The following FAM228B variants were observed in gnomAD, a reference collection of about 807,000 sequenced individuals.
The protein encoded by FAM228B is family with sequence similarity 228 member B, also known as protein FAM228B.
A neutral mutation model predicts 42.6 loss-of-function variants in FAM228B; 38 were observed. That is an observed-to-expected ratio of 0.89 (90% CI 0.69 to 1.17). FAM228B has a LOEUF of 1.17. Among genes scored for constraint, FAM228B ranks in the 50% most tolerant of loss-of-function variants. FAM228B has a pLI of 0.00. For missense variants in FAM228B, 344 were observed against 367.3 expected (o/e 0.94, Z 0.52); for synonymous variants, 109 against 122.3 (o/e 0.89, Z 0.72).
At chr2:24,154,353 G>T (rs990079494) in intron 7 of FAM228B, among the ~76,000 whole-genome samples, 1 of 152,148 alleles carries the variant, frequency 6.6e-6, no homozygotes, top group Non-Finnish European at 1.5e-5. Context: ...TTTGCCATCT[G>T]TCTGTCTTCT....
chr2:24,088,097 T>C (rs71439112), intron 2 of FAM228B, among the ~76,000 whole-genome samples: 18,108 of 152,040 alleles, frequency 0.12, 1,244 homozygotes, highest in South Asian at 0.18. Context: ...AGGCTGGTCT[T>C]GAACTCCTTA....
chr2:24,120,743 C>T (rs967627562), upstream of FAM228B, among the ~76,000 whole-genome samples: 8 of 152,046 alleles, frequency 5.3e-5, no homozygotes, highest in African/African-American at 1.9e-4. Context: ...TTAGTAGAAA[C>T]AGGGTTTCAC....
chr2:24,124,141 G>A (rs939757449), intron 1 of FAM228B, 189 bp from the exon 2 acceptor site: 1 of 412,318 alleles, frequency 2.4e-6, no homozygotes, highest in Non-Finnish European at 4.3e-6. Context: ...AGAGCATCTC[G>A]CCTGCTTATA....
chr2:24,166,054 A>AAAAAAATATATATATATATAT (rs56146407), intron 9 of FAM228B: 2 of 81,030 alleles, frequency 2.5e-5, no homozygotes, highest in African/African-American at 8.1e-5. Flanking sequence ...AAAAAAAAAA[A>AAAAAAATATATATATATATAT]ATATATATAT....
At chr2:24,156,803 T>C (rs1020368144) in intron 7 of FAM228B, among the ~76,000 whole-genome samples, 1 of 139,024 alleles carries the variant, frequency 7.2e-6, no homozygotes, top group African/African-American at 2.6e-5. Flanking sequence ...TTTGTTTCAT[T>C]TATCTTTTGT....
intron 7 of FAM228B, among the ~76,000 whole-genome samples, chr2:24,159,290 A>G (rs1267758122): frequency 1.3e-5 from 2 of 152,230 alleles, no homozygotes; most frequent in Non-Finnish European, 2.9e-5. Flanking sequence ...CATTCCATCA[A>G]AGAATCATGT....
chr2:24,077,797 G>A lies in FAM228B; in HGVS notation c.-290+828G>A. ...GGAAAGGAGATCATCAGCCTGGGGA[G>A]AGAGCCTCACCCTGCCCTCCTCATC... On this transcript the variant is annotated intron_variant, in intron 1 of 10. Coordinates refer to the FAM228B transcript ENST00000613899. This position sits in a 1 kb window ranked among gnomAD's most constrained non-coding sequence, Gnocchi z 5.5. The A allele has an allele frequency of 1.9e-6, 3 of 1,589,726 alleles. No individual in the cohort carries two copies. Among genetic ancestry groups the A allele is most frequent in the Non-Finnish European group, 2.6e-6 (3 of 1,166,008 alleles).
chr2:24,150,129 T>G (rs892154130), intron 7 of FAM228B, among the ~76,000 whole-genome samples: 2 of 152,208 alleles, frequency 1.3e-5, no homozygotes, highest in Non-Finnish European at 2.9e-5. Flanking sequence ...TAAGAGTATT[T>G]GCACACCACC....
chr2:24,143,398 G>C (rs563198143), intron 5 of FAM228B, among the ~76,000 whole-genome samples: 1 of 152,108 alleles, frequency 6.6e-6, no homozygotes, highest in Non-Finnish European at 1.5e-5. Context: ...GTTTCATCGT[G>C]TTAGCCAGGA....
At position 24,090,562 on chromosome 2, in the gene FAM228B, CAA is replaced by C. The variant is rs58611623; in HGVS notation, c.-209-4559_-209-4558del. On this transcript the variant is annotated intron_variant, in intron 2 of 10. Transcript: ENST00000613899. ...TGGTGACAGAGAGAGCCTCCCATCTCAAAAAAAAAAAAAAAAAAAAATAGGAA... is the reference window on the plus strand; with the variant it reads ...TGGTGACAGAGAGAGCCTCCCATCTCAAAAAAAAAAAAAAAAAAATAGGAA... 4.5e-3 allele frequency among the ~76,000 whole-genome samples: 366 copies of C among 81,626 alleles called. 2 individuals are homozygous for C. The highest frequency in any genetic ancestry group is 0.017 in the Middle Eastern group (2 of 118). The allele number at this position is 81,626 out of a possible 152,430, so 53.5% of individuals were successfully genotyped here. A position where few individuals can be genotyped will look rare whatever the true frequency, so the allele number is the denominator to read the frequency against.
intron 1 of FAM228B, chr2:24,079,511 A>G: frequency 6.2e-7 from 1 of 1,613,486 alleles, no homozygotes; most frequent in Non-Finnish European, 8.5e-7. Context: ...CTTTGAAAAC[A>G]GGGGCCCATT....
At chr2:24,100,329 G>A (rs1665581247) in intron 3 of FAM228B, among the ~76,000 whole-genome samples, 1 of 152,102 alleles carries the variant, frequency 6.6e-6, no homozygotes. Flanking sequence ...GAGTGAACAG[G>A]CAACCTACAG....
chr2:24,147,116 AC>A (rs1463333686), intron 7 of FAM228B, 30 bp downstream of exon 7: 1 of 1,418,910 alleles, frequency 7.0e-7, no homozygotes, highest in Non-Finnish European at 9.4e-7. Flanking sequence ...AAATTATAGA[AC>A]CTTTTGGACT....
chr2:24,117,423 A>G (rs1375191706), intron 3 of FAM228B, among the ~76,000 whole-genome samples: 1 of 151,076 alleles, frequency 6.6e-6, no homozygotes, highest in African/African-American at 2.4e-5. Context: ...CAATTTTTAA[A>G]TGGTCATAGT....
At chr2:24,079,128 A>C (rs1472659643) in intron 1 of FAM228B, 3 of 263,348 alleles carry the variant, frequency 1.1e-5, no homozygotes, top group Middle Eastern at 1.3e-3. Flanking sequence ...CACTGAGATG[A>C]ATTCTGCCTT....
intron 5 of FAM228B, among the ~76,000 whole-genome samples, chr2:24,144,177 C>T (rs923078985): frequency 1.3e-5 from 2 of 152,104 alleles, no homozygotes; most frequent in Non-Finnish European, 2.9e-5. Context: ...CATGGTGGCT[C>T]ATGCCTGTAA....
At chr2:24,167,105 C>A (rs1348285508) in intron 9 of FAM228B, among the ~76,000 whole-genome samples, 1 of 152,226 alleles carries the variant, frequency 6.6e-6, no homozygotes, top group East Asian at 1.9e-4. Context: ...CAGCATTGTA[C>A]AAAGAACATG....
chr2:24,079,798 G>C (rs186395122), intron 1 of FAM228B, among the ~76,000 whole-genome samples: 1 of 152,330 alleles, frequency 6.6e-6, no homozygotes, highest in Non-Finnish European at 1.5e-5. Flanking sequence ...ATGGAGTTTA[G>C]ATAGCAGAAC....
chr2:24,164,469 C>T, intron 9 of FAM228B, 134 bp downstream of exon 9: 1 of 972,280 alleles, frequency 1.0e-6, no homozygotes, highest in Non-Finnish European at 1.4e-6. Context: ...AGGTTAGAAG[C>T]AGCTGAGGGG....
Sources: allele counts gnomAD v4.1 joint callset (sites outside exome capture counted in the v4.1 genomes callset), GRCh38; gene constraint gnomAD v4.1.1; non-coding constraint Gnocchi (gnomAD v3.1); transcripts MANE v1.5; gene names NCBI Gene and HGNC (gene_info 2026-07-23, HGNC 2026-07-21).